SLC23A2: variants seen among roughly 807,000 people sequenced by gnomAD.
SLC23A2 encodes solute carrier family 23 member 2, also known as Na(+)/L-ascorbic acid transporter 2.
Under a neutral mutation model 73.3 loss-of-function variants are expected in SLC23A2, and 36 were observed. The observed-to-expected ratio is 0.49, with a 90% CI of 0.38 to 0.65. The LOEUF (loss-of-function observed/expected upper bound fraction) is 0.65. Among genes scored for constraint, SLC23A2 ranks in the 30% least tolerant of loss-of-function variants. SLC23A2 has a pLI of 0.00. For synonymous variants in SLC23A2, 343 were observed against 327.3 expected (o/e 1.05, Z -0.52); for missense variants, 507 against 841.6 (o/e 0.60, Z 4.92).
chr20:4,922,888 T>C (rs367713757), intron 3 of SLC23A2, among the ~76,000 whole-genome samples: 199 of 151,386 alleles, frequency 1.3e-3, no homozygotes, highest in African/African-American at 4.6e-3. Context: ...AGAATGCTGA[T>C]CAACTTCGTA....
At chr20:4,992,671 G>A (rs914597196) in intron 1 of SLC23A2, among the ~76,000 whole-genome samples, 20 of 151,450 alleles carry the variant, frequency 1.3e-4, no homozygotes, top group South Asian at 2.1e-4. Flanking sequence ...CTACCATGCC[G>A]GGCTAATTTT....
intron 1 of SLC23A2, among the ~76,000 whole-genome samples, chr20:5,000,670 T>C (rs2088104554): frequency 6.6e-6 from 1 of 152,100 alleles, no homozygotes; most frequent in African/African-American, 2.4e-5. Flanking sequence ...ACCCCCAGCC[T>C]GCAGGCCGAC....
intron 3 of SLC23A2, among the ~76,000 whole-genome samples, chr20:4,918,932 C>A (rs575174273): frequency 2.2e-4 from 34 of 152,282 alleles, no homozygotes; most frequent in Admixed American, 5.9e-4. Context: ...AATGTGTGCA[C>A]ACACCGTTAT....
At position 4,872,826 on chromosome 20, in the gene SLC23A2, C is replaced by T. The variant is rs549305517; in HGVS notation, c.1102+1110G>A. Among the ~76,000 whole-genome samples, 2 of 152,208 alleles carry T rather than the reference C, an allele frequency of 1.3e-5. No individual in the cohort carries two copies. Among genetic ancestry groups the T allele is most frequent in the South Asian group, 4.1e-4 (2 of 4,826 alleles). ...CTGAAGTGCAGTGGCGCAATCTCGA[C>T]TCACTGCAACCTCCGCCTCCCAGAT... is the stretch of plus-strand genomic sequence containing the variant. On this transcript the variant is annotated intron_variant, in intron 11 of 16. Coordinates refer to ENST00000338244, the MANE Select transcript of SLC23A2 (RefSeq NM_005116.6). The surrounding 1 kb of genome is among the most constrained non-coding windows in gnomAD (Gnocchi z 4.4).
intron 2 of SLC23A2, among the ~76,000 whole-genome samples, chr20:4,963,127 A>G (rs1239144895): frequency 1.3e-5 from 2 of 152,188 alleles, no homozygotes; most frequent in South Asian, 2.1e-4. Context: ...GAGAATGTAA[A>G]TATCAATTCC....
chr20:4,930,937 G>T (rs1291169316), intron 3 of SLC23A2, among the ~76,000 whole-genome samples: 1 of 149,796 alleles, frequency 6.7e-6, no homozygotes. Context: ...ATGATTGTAC[G>T]ACTGCCCTCC....
intron 2 of SLC23A2, among the ~76,000 whole-genome samples, chr20:4,968,433 G>A (rs941133147): frequency 6.6e-6 from 1 of 152,120 alleles, no homozygotes; most frequent in South Asian, 2.1e-4. Flanking sequence ...AACACAGAAC[G>A]GCTTCATGCA....
At chr20:4,861,232 A>T (rs1056759051) in intron 15 of SLC23A2, among the ~76,000 whole-genome samples, 4 of 152,140 alleles carry the variant, frequency 2.6e-5, no homozygotes, top group African/African-American at 9.7e-5. Flanking sequence ...GGTGATGGGG[A>T]TTTACTGCTT....
At chr20:4,888,895 C>T (rs897875822) in intron 6 of SLC23A2, among the ~76,000 whole-genome samples, 20 of 152,162 alleles carry the variant, frequency 1.3e-4, no homozygotes, top group African/African-American at 4.8e-4. Flanking sequence ...TGCATCTCGT[C>T]CTGGTTAGCC....
At chr20:4,967,841 C>A (rs535362333) in intron 2 of SLC23A2, among the ~76,000 whole-genome samples, 1 of 152,208 alleles carries the variant, frequency 6.6e-6, no homozygotes, top group East Asian at 1.9e-4. Flanking sequence ...AGTCTGCAGG[C>A]TTCAGGCACC....
chr20:4,977,487 G>A (rs2087661202), intron 1 of SLC23A2, among the ~76,000 whole-genome samples: 1 of 151,876 alleles, frequency 6.6e-6, no homozygotes, highest in African/African-American at 2.4e-5. Flanking sequence ...AGGAGTTCGA[G>A]ACCAGCCTGG....
In SLC23A2 at chr20:4,862,785, C is replaced by G. The variant is rs144002883; in HGVS notation, c.1479G>C (p.Thr493=). The part of the protein sequence containing the change: ...PDPVLGALFC[T]LFGMITAVGL... ...CAGAGAGGGGAGTCTTACCAAAGAGCGTGCAGAACAGGGCTCCCAGCACAG... is the reference window on the plus strand; with the variant it reads ...CAGAGAGGGGAGTCTTACCAAAGAGGGTGCAGAACAGGGCTCCCAGCACAG... Residue 493 remains threonine (T), a synonymous_variant, in exon 14 of 17, where the codon ACG becomes ACC. Transcript: ENST00000338244. This position sits in a 1 kb window ranked among gnomAD's most constrained non-coding sequence, Gnocchi z 5.1. 1.9e-6 allele frequency: 3 copies of G among 1,612,378 alleles called. No homozygotes were observed. The highest frequency in any genetic ancestry group is 2.2e-5 in the East Asian group (1 of 44,824).
chr20:4,968,282 A>C (rs966994773), intron 2 of SLC23A2, among the ~76,000 whole-genome samples: 47 of 152,172 alleles, frequency 3.1e-4, no homozygotes, highest in African/African-American at 1.0e-3. Context: ...GCCACTACGG[A>C]GGTCCAGAGG....
upstream of SLC23A2, among the ~76,000 whole-genome samples, chr20:5,004,107 T>G (rs2088163956): frequency 6.6e-6 from 1 of 152,114 alleles, no homozygotes; most frequent in South Asian, 2.1e-4. Flanking sequence ...CAAACCTCTC[T>G]CCCTAGACAA....
intron 1 of SLC23A2, among the ~76,000 whole-genome samples, chr20:4,980,979 C>T (rs973747813): frequency 6.6e-6 from 1 of 152,192 alleles, no homozygotes; most frequent in Admixed American, 6.5e-5. Flanking sequence ...CTAATTCTGA[C>T]CTTAGTTCTA....
intron 3 of SLC23A2, among the ~76,000 whole-genome samples, chr20:4,913,522 A>C (rs1339997159): frequency 6.6e-6 from 1 of 152,246 alleles, no homozygotes; most frequent in Non-Finnish European, 1.5e-5. Context: ...TCTATACTGG[A>C]GAACAATAAT....
intron 4 of SLC23A2, among the ~76,000 whole-genome samples, chr20:4,909,485 A>AT (rs113531591): frequency 7.0e-4 from 104 of 149,572 alleles, no homozygotes; most frequent in Middle Eastern, 3.4e-3. Context: ...AATGAATGTC[A>AT]TTTTTTTTTT....
chr20:5,009,891 C>G (rs1018873651), intron 1 of SLC23A2, among the ~76,000 whole-genome samples: 1 of 151,944 alleles, frequency 6.6e-6, no homozygotes, highest in Non-Finnish European at 1.5e-5. Context: ...GTCAGGAGAT[C>G]GAGACCATCC....
At chr20:4,890,630 G>T (rs1931295331) in intron 6 of SLC23A2, among the ~76,000 whole-genome samples, 1 of 151,942 alleles carries the variant, frequency 6.6e-6, no homozygotes, top group South Asian at 2.1e-4. Flanking sequence ...TCCAGTCTGG[G>T]CAACAGAGCG....
Sources: gnomAD v4.1 joint callset for allele counts (sites outside exome capture counted in the v4.1 genomes callset) on GRCh38, gnomAD v4.1.1 for gene constraint, Gnocchi (gnomAD v3.1) non-coding constraint, MANE v1.5 for transcripts, NCBI Gene and HGNC (gene_info 2026-07-23, HGNC 2026-07-21) for gene names.